SLC4A11: variants seen among roughly 807,000 people sequenced by gnomAD.
SLC4A11 encodes the protein solute carrier family 4 member 11.
Under a neutral mutation model 95.0 loss-of-function variants are expected in SLC4A11, and 74 were observed. The ratio of observed to expected loss-of-function variants is 0.78; its 90% confidence interval spans 0.65 to 0.95. The LOEUF (loss-of-function observed/expected upper bound fraction) is 0.95, where lower values mean the gene tolerates loss of function less well. Ranked by LOEUF, SLC4A11 falls within the 40% of genes least tolerant of loss-of-function variation. The probability of loss-of-function intolerance (pLI) is 0.00; values close to 1 mark genes in which losing one functional copy is unlikely to be tolerated. For missense variants in SLC4A11, 1,081 were observed against 1,192.4 expected, an observed-to-expected ratio of 0.91 and a Z score of 1.38; for synonymous variants, 548 against 519.0, an observed-to-expected ratio of 1.06 and a Z score of -0.76.
intron 2 of SLC4A11, among the ~76,000 whole-genome samples, chr20:3,235,624 C>T (rs73891145): frequency 0.017 from 2,641 of 152,120 alleles, 83 homozygotes; most frequent in African/African-American, 0.061. Flanking sequence ...GATGTGGGAC[C>T]CCAGAGGTGA....
At position 3,238,438 on chromosome 20, in the gene SLC4A11, G is replaced by T. The variant is rs567400310; in HGVS notation, c.43+657C>A. 2.2e-4 allele frequency: 231 copies of T among 1,034,094 alleles called. No homozygotes were observed. The African/African-American group carries it at 3.4e-3, about 15-fold the overall frequency. 64.1% of individuals were successfully genotyped at this position (1,034,094 alleles called of 1,614,324 possible). A position where few individuals can be genotyped will look rare whatever the true frequency, so the allele number is the denominator to read the frequency against. On this transcript the variant is annotated intron_variant, in intron 1 of 19. Transcript: ENST00000642402. ...CTGCATCCTGAAGTGGGGGGCGGGG[G>T]CGCTGGGGCGCGTCCCAGGCCGTGG... is the stretch of plus-strand genomic sequence containing the variant.
chr20:3,227,916 A>G, intron 19 of SLC4A11, 60 bp from the exon 20 acceptor site: 1 of 1,499,356 alleles, frequency 6.7e-7, no homozygotes, highest in Non-Finnish European at 9.1e-7. Context: ...GTGGACACCC[A>G]TCCCAGCCCA....
chr20:3,237,785 C>G (rs544516871), intron 1 of SLC4A11, 197 bp from the exon 2 acceptor site: 2 of 1,606,406 alleles, frequency 1.2e-6, no homozygotes, highest in African/African-American at 1.3e-5. Flanking sequence ...CAGCCTTAAT[C>G]TCAGAAATTC....
rs2067876646 is a variant in SLC4A11 at position 3,234,038 on chromosome 20, C to T, written c.524-36G>A. The T allele has an allele frequency of 6.2e-7, 1 of 1,613,314 alleles. No homozygotes were observed. The highest frequency in any genetic ancestry group is 8.5e-7 in the Non-Finnish European group (1 of 1,179,592). On this transcript the variant is annotated intron_variant, in intron 5 of 19. Coordinates refer to ENST00000642402, the MANE Select transcript of SLC4A11 (RefSeq NM_001174089.2). The surrounding 1 kb of genome is among the most constrained non-coding windows in gnomAD (Gnocchi z 5.8). ...AGTGAGGGGGAGGGTGGTGGGTCAA[C>T]AGCCCCTCCCAACGCCCCCGCCCGG...
chr20:3,230,200 C>T lies in SLC4A11; in HGVS notation c.1476G>A (p.Lys492=). 1 of 1,613,584 alleles carries T rather than the reference C, an allele frequency of 6.2e-7. No homozygotes were observed. Among genetic ancestry groups the T allele is most frequent in the Non-Finnish European group, 8.5e-7 (1 of 1,180,018 alleles). Residue 492 remains lysine (K), a synonymous_variant, in exon 13 of 20, where the codon AAG becomes AAA. Coordinates refer to ENST00000642402, the MANE Select transcript of SLC4A11 (RefSeq NM_001174089.2). ...ISITFVLDAV[K]GTVKIFWKYY... is the part of the protein sequence containing the mutation. ...AGCCGCACTCACTTTTAACCGTGCC[C>T]TTGACGGCATCCAGCACAAACGTGA...
Position 3,229,788 on chromosome 20 carries a change from C to T in SLC4A11, c.1490-12G>A. ...GTACTTCCAGAAGACTGTGGACACA[C>T]ACCCACAGGCCTCAGCCCTCTCCAG... On this transcript the variant is annotated splice_polypyrimidine_tract_variant and intron_variant, in intron 13 of 19. Transcript: ENST00000642402. 1 of 1,613,774 alleles carries T rather than the reference C, an allele frequency of 6.2e-7. No homozygotes were observed. The highest frequency in any genetic ancestry group is 2.2e-5 in the East Asian group (1 of 44,872).
intron 1 of SLC4A11, 132 bp downstream of exon 1, chr20:3,238,963 G>C (rs1183476232): frequency 1.6e-6 from 2 of 1,288,532 alleles, no homozygotes; most frequent in African/African-American, 3.1e-5. Context: ...TGGGAATCCC[G>C]CAGCCCTCTC....
Position 3,237,962 on chromosome 20 carries a change from G to T in SLC4A11, c.44-374C>A, listed in dbSNP as rs1360410530. On this transcript the variant is annotated intron_variant, in intron 1 of 19. Transcript: ENST00000642402. Reference sequence around the variant, plus strand: ...GCAGCGAGAGGAAGGGACCGGGCCCGAGCGGGCCTCTCCCCCTCTCTCCTC... The same window carrying T: ...GCAGCGAGAGGAAGGGACCGGGCCCTAGCGGGCCTCTCCCCCTCTCTCCTC... 3.2e-6 allele frequency: 5 copies of T among 1,550,444 alleles called. No individual in the cohort carries two copies. The Admixed American group carries it at 5.9e-5, about 18-fold the overall frequency.
At chr20:3,229,838 G>A in intron 13 of SLC4A11, 62 bp from the exon 14 acceptor site, 3 of 1,610,432 alleles carry the variant, frequency 1.9e-6, no homozygotes, top group African/African-American at 1.3e-5. Context: ...AGGCCCTGGA[G>A]GGAGGGGATC....
rs768876469 is a variant in SLC4A11 at position 3,234,124 on chromosome 20, G to A, written c.482C>T (p.Ala161Val). 1.9e-6 allele frequency: 3 copies of A among 1,614,070 alleles called. No homozygotes were observed. The South Asian group carries it at 3.3e-5, about 18-fold the overall frequency. Reference sequence around the variant, plus strand: ...TGCCCCGGCATCGGTGAAGAGCATGGCCATGAGCAGGTCCAGGTTGCAGTT... The same window carrying A: ...TGCCCCGGCATCGGTGAAGAGCATGACCATGAGCAGGTCCAGGTTGCAGTT... ...EPNCNLDLLM[A>V]MLFTDAGAPM... The change falls in exon 5 of 20, where the codon GCC becomes GTC. Residue 161 changes from alanine (A) to valine (V), a missense_variant. By Grantham distance (64) the Ala-to-Val change is moderately conservative. Around this residue, in one of 3 missense-constraint regions of SLC4A11, gnomAD observed 310 missense variants for 313.5 expected, o/e 0.99. Transcript: ENST00000642402. This position sits in a 1 kb window ranked among gnomAD's most constrained non-coding sequence, Gnocchi z 5.8.
At chr20:3,228,153 CAT>C in intron 19 of SLC4A11, 104 bp downstream of exon 19, 1 of 1,017,550 alleles carries the variant, frequency 9.8e-7, no homozygotes, top group Non-Finnish European at 1.5e-6. Context: ...CCAACCCGCC[CAT>C]TCTCCGCCCC....
chr20:3,230,909 C>T (rs756221254), intron 10 of SLC4A11, 24 bp downstream of exon 10: 2 of 1,612,116 alleles, frequency 1.2e-6, no homozygotes, highest in East Asian at 2.2e-5. Flanking sequence ...TACCCCCACC[C>T]ACCGCCCACC....
chr20:3,238,759 G>C (rs2068068586), intron 1 of SLC4A11: 1 of 1,100,370 alleles, frequency 9.1e-7, no homozygotes, highest in East Asian at 5.1e-5. Context: ...CAAAAGCTCG[G>C]CGCTCGGGGC....
chr20:3,234,452 G>T lies in SLC4A11; in HGVS notation c.291+116C>A. 6.5e-7 allele frequency: 1 copy of T among 1,532,504 alleles called. No homozygotes were observed. Among genetic ancestry groups the T allele is most frequent in the Non-Finnish European group, 9.0e-7 (1 of 1,109,700 alleles). 94.9% of individuals were successfully genotyped at this position (1,532,504 alleles called of 1,614,324 possible). On this transcript the variant is annotated intron_variant, in intron 4 of 19. Coordinates refer to ENST00000642402, the MANE Select transcript of SLC4A11 (RefSeq NM_001174089.2). This position sits in a 1 kb window ranked among gnomAD's most constrained non-coding sequence, Gnocchi z 5.8. ...AGCCCTGGGCTGGTGCGAGCTCCCT[G>T]TTGAGCTGCTCCTGGAGGCATGGGA...
rs147324566 is a variant in SLC4A11 at position 3,229,562 on chromosome 20, C to T, written c.1704G>A (p.Thr568=). Reference sequence around the variant, plus strand: ...GGTAGAGGGTGTAGCCCAGCCAGAGCGTGCCCAGCATGATGAGGAGGCTGA... The same window carrying T: ...GGTAGAGGGTGTAGCCCAGCCAGAGTGTGCCCAGCATGATGAGGAGGCTGA... The part of the protein sequence containing the change: ...AVLSLLIMLG[T]LWLGYTLYQF... Residue 568 remains threonine, a synonymous_variant, in exon 14 of 20, where the codon ACG becomes ACA. Coordinates refer to ENST00000642402, the MANE Select transcript of SLC4A11 (RefSeq NM_001174089.2). 4.3e-4 allele frequency: 701 copies of T among 1,612,884 alleles called. 7 individuals carry two copies. Among genetic ancestry groups the T allele is most frequent in the Non-Finnish European group, 1.6e-4 (192 of 1,179,944 alleles).
Position 3,228,437 on chromosome 20 carries a change from G to C in SLC4A11, c.2389-9C>G, listed in dbSNP as rs41281858. 3.7e-6 allele frequency: 6 copies of C among 1,612,948 alleles called. No homozygotes were observed. The Middle Eastern group carries it at 8.3e-4, about 222-fold the overall frequency. On this transcript the variant is annotated splice_polypyrimidine_tract_variant and intron_variant, in intron 18 of 19. Coordinates refer to ENST00000642402, the MANE Select transcript of SLC4A11 (RefSeq NM_001174089.2). ...GTCGGGGGGTACGCAGTCTGTGGGC[G>C]GCAGGGACCGGGTGTGGGCAGGCAT...
chr20:3,227,989 C>A, intron 19 of SLC4A11, 133 bp from the exon 20 acceptor site: 1 of 832,678 alleles, frequency 1.2e-6, no homozygotes, highest in Non-Finnish European at 1.9e-6. Context: ...CCCAGCCCAC[C>A]CACTCTCCAC....
At position 3,234,923 on chromosome 20, in the gene SLC4A11, G is replaced by A; in HGVS notation, c.89-29C>T. ...GAGACCCCCAAGAGCAAGAGGGCCT[G>A]GCTGTTAAAGTGCCACACACAGGAA... is the stretch of plus-strand genomic sequence containing the variant. On this transcript the variant is annotated intron_variant, in intron 2 of 19. Transcript: ENST00000642402. This position sits in a 1 kb window ranked among gnomAD's most constrained non-coding sequence, Gnocchi z 5.8. 6.2e-7 allele frequency: 1 copy of A among 1,613,564 alleles called. No individual in the cohort carries two copies.
In SLC4A11 at chr20:3,239,078, C is replaced by G; in HGVS notation, c.43+17G>C. 4.8e-6 allele frequency: 7 copies of G among 1,472,638 alleles called. No homozygotes were observed. The highest frequency in any genetic ancestry group is 2.3e-5 in the Admixed American group (1 of 43,198). The allele number at this position is 1,472,638 out of a possible 1,614,324, so 91.2% of individuals were successfully genotyped here. A position where few individuals can be genotyped will look rare whatever the true frequency, so the allele number is the denominator to read the frequency against. On this transcript the variant is annotated intron_variant, in intron 1 of 19. Coordinates refer to ENST00000642402, the MANE Select transcript of SLC4A11 (RefSeq NM_001174089.2). ...CCGGGCGGCCTTCCCGCCGCGCCCC[C>G]GGGTTCAGGCACCCACCGCACGGCT...
Sources: gnomAD v4.1 joint callset for allele counts (sites outside exome capture counted in the v4.1 genomes callset) on GRCh38, gnomAD v4.1.1 for gene constraint, gnomAD v4.1.1 regional missense constraint, Gnocchi (gnomAD v3.1) non-coding constraint, MANE v1.5 for transcripts, NCBI Gene and HGNC (gene_info 2026-07-23, HGNC 2026-07-21) for gene names.